MFN2: variants seen among roughly 807,000 people sequenced by gnomAD.
The protein encoded by MFN2 is mitofusin-2.
Under a neutral mutation model 87.5 loss-of-function variants are expected in MFN2, and 43 were observed. That is an observed-to-expected ratio of 0.49 (90% CI 0.38 to 0.63). MFN2 has a LOEUF of 0.63. Ranked by LOEUF, MFN2 falls within the 30% of genes least tolerant of loss-of-function variation. MFN2 has a pLI of 0.00. For missense variants in MFN2, 743 were observed against 972.8 expected (o/e 0.76, Z 3.14); for synonymous variants, 337 against 359.9 (o/e 0.94, Z 0.72).
At chr1:12,008,768 C>T (rs946185734) in intron 17 of MFN2, among the ~76,000 whole-genome samples, 7 of 152,066 alleles carry the variant, frequency 4.6e-5, no homozygotes, top group Non-Finnish European at 1.5e-5. Context: ...AGACGATGGG[C>T]GGCCAGGCAG....
In MFN2 at chr1:12,007,055, G is replaced by A. The variant is rs747719940; in HGVS notation, c.1875G>A (p.Val625=). The A allele has an allele frequency of 2.5e-6, 4 of 1,613,390 alleles. No individual in the cohort carries two copies. The African/African-American group carries it at 5.3e-5, about 22-fold the overall frequency. ...CAGGCTGACCATGTGCTCTGCAGGT[G>A]TGGAAGGCAGTGGGCTGGCGGCTCA... The part of the protein sequence containing the change: ...SMGILVVGGV[V]WKAVGWRLIA... Residue 625 remains valine (V), a splice_region_variant and synonymous_variant, in exon 17 of 19, where the codon GTG becomes GTA. Transcript: ENST00000235329.
rs764308150 is a variant in MFN2, at chr1:12,007,151, G to A, written c.1971G>A (p.Lys657=). ...YERLTWTTKA[K]ERAFKRQFVE... ...GTCTGACCTGGACCACCAAGGCCAA[G>A]GAGAGGGCCTTCAAGCGCCAGTTTG... The change falls in exon 17 of 19, where the codon AAG becomes AAA. Residue 657 remains lysine, a synonymous_variant. Coordinates refer to ENST00000235329, the MANE Select transcript of MFN2 (RefSeq NM_014874.4). 3.1e-6 allele frequency: 5 copies of A among 1,614,110 alleles called. No homozygotes were observed. The highest frequency in any genetic ancestry group is 4.2e-6 in the Non-Finnish European group (5 of 1,180,046).
intron 17 of MFN2, 70 bp downstream of exon 17, chr1:12,007,319 T>A (rs1639469382): frequency 1.3e-6 from 2 of 1,558,368 alleles, no homozygotes; most frequent in Non-Finnish European, 1.7e-6. Flanking sequence ...CCCTTCCCCA[T>A]CTCTCTTCCC....
chr1:11,984,896 C>T (rs1299899646), intron 2 of MFN2, among the ~76,000 whole-genome samples: 4 of 152,224 alleles, frequency 2.6e-5, no homozygotes, highest in East Asian at 3.8e-4. Flanking sequence ...TTTGCGATAT[C>T]CCTCATAATA....
chr1:11,981,075 T>G (rs1645975666), intron 1 of MFN2, among the ~76,000 whole-genome samples: 1 of 152,142 alleles, frequency 6.6e-6, no homozygotes. Flanking sequence ...CTCTTTAAAT[T>G]CTCAATCATC....
At chr1:11,989,027 C>A (rs918684815) in intron 2 of MFN2, 138 bp from the exon 3 acceptor site, 9 of 963,912 alleles carry the variant, frequency 9.3e-6, no homozygotes, top group Non-Finnish European at 1.5e-5. Context: ...ATCTCACCGT[C>A]CTTTGTTCTA....
In MFN2 at chr1:12,003,710, CT is replaced by C. The variant is rs1160972553; in HGVS notation, c.1161-276del. Among the ~76,000 whole-genome samples, 1 of 151,952 alleles carries C rather than the reference CT, an allele frequency of 6.6e-6. No homozygotes were observed. The highest frequency in any genetic ancestry group is 1.5e-5 in the Non-Finnish European group (1 of 68,008). The stretch of plus-strand genomic sequence containing the variant: ...TTCTGTGATTACTAGTGAGGTTGAG[CT>C]TTTTTCCCTATATTAATTGGCAGAA... On this transcript the variant is annotated intron_variant, in intron 11 of 18. Transcript: ENST00000235329. The surrounding 1 kb of genome is among the most constrained non-coding windows in gnomAD (Gnocchi z 4.1).
intron 2 of MFN2, among the ~76,000 whole-genome samples, chr1:11,987,368 G>A (rs998886022): frequency 9.2e-5 from 14 of 151,740 alleles, no homozygotes; most frequent in African/African-American, 3.4e-4. Flanking sequence ...GGTGGCTCAT[G>A]CCTGTAATCC....
Position 12,004,086 on chromosome 1 carries a change from A to C in MFN2, c.1255A>C (p.Ile419Leu). The C allele has an allele frequency of 6.2e-7, 1 of 1,614,192 alleles. No individual in the cohort carries two copies. The highest frequency in any genetic ancestry group is 8.5e-7 in the Non-Finnish European group (1 of 1,180,042). The change falls in exon 12 of 19, where the codon ATT (isoleucine) becomes CTT (leucine). Residue 419 changes from isoleucine (I) to leucine (L), a missense_variant. Ile to Leu is a conservative substitution (Grantham distance 5). Coordinates refer to ENST00000235329, the MANE Select transcript of MFN2 (RefSeq NM_014874.4). The surrounding 1 kb of genome is among the most constrained non-coding windows in gnomAD (Gnocchi z 4.2). ...CTTGGCTCAAGACTATAAGCTGCGA[A>C]TTAAGCAGATTACGGAGGAAGTGGA... ...ELLAQDYKLR[I>L]KQITEEVERQ...
chr1:11,998,653 C>T (rs967114532), intron 6 of MFN2, 117 bp from the exon 7 acceptor site: 127 of 893,230 alleles, frequency 1.4e-4, no homozygotes, highest in South Asian at 1.3e-3. Flanking sequence ...ATTTCTCTCC[C>T]GTCCCTGGCT....
chr1:11,996,785 C>G (rs112834619), intron 5 of MFN2, among the ~76,000 whole-genome samples: 166 of 152,284 alleles, frequency 1.1e-3, no homozygotes, highest in African/African-American at 3.7e-3. Context: ...CGCCTGTAAT[C>G]CCAGCACTTT....
intron 1 of MFN2, chr1:11,981,732 G>C (rs1452853901): frequency 6.6e-6 from 1 of 152,306 alleles, no homozygotes; most frequent in Admixed American, 6.5e-5. Flanking sequence ...GGACCTCCGT[G>C]GTGCCTCAAA....
intron 4 of MFN2, among the ~76,000 whole-genome samples, chr1:11,994,458 C>T (rs1442250400): frequency 2.6e-5 from 4 of 152,054 alleles, no homozygotes; most frequent in African/African-American, 7.2e-5. Flanking sequence ...GGTGTGGTGG[C>T]GGGCGCCTGT....
chr1:11,985,455 C>CTTTTT (rs774330626), intron 2 of MFN2, among the ~76,000 whole-genome samples: 2 of 119,704 alleles, frequency 1.7e-5, no homozygotes, highest in African/African-American at 3.8e-5. Flanking sequence ...TCCTTGATCC[C>CTTTTT]TTTTTTTTTT....
chr1:12,005,963 T>TG (rs757872097), intron 15 of MFN2, 32 bp downstream of exon 15: 38 of 1,601,506 alleles, frequency 2.4e-5, no homozygotes, highest in Non-Finnish European at 3.2e-5. Flanking sequence ...AAGGGCATTG[T>TG]GGGGGGTCAG....
rs1191442478 is a variant in MFN2, at chr1:11,985,495, TTCGC to T, written c.-5+3384_-5+3387del. ...TTTTTTTTTTTTTAAAGAGAGAGAC[TTCGC>T]TCTGTCACCCAGGCTGGAGTACAGT... On this transcript the variant is annotated intron_variant, in intron 2 of 18. Transcript: ENST00000235329. 1.8e-4 allele frequency among the ~76,000 whole-genome samples: 24 copies of T among 136,216 alleles called. 1 individual carries two copies. The East Asian group carries it at 5.3e-3, about 30-fold the overall frequency. 89.4% of individuals were successfully genotyped at this position (136,216 alleles called of 152,430 possible).
chr1:11,985,823 C>G (rs552300592), intron 2 of MFN2, among the ~76,000 whole-genome samples: 101 of 152,276 alleles, frequency 6.6e-4, no homozygotes, highest in African/African-American at 2.4e-3. Flanking sequence ...TGCCACATCC[C>G]CTCTTTCTCG....
chr1:12,002,127 G>A, intron 11 of MFN2, 24 bp downstream of exon 11: 1 of 1,614,030 alleles, frequency 6.2e-7, no homozygotes, highest in Non-Finnish European at 8.5e-7. Flanking sequence ...ACTGCAGATA[G>A]GTGGAGAGAG....
intron 2 of MFN2, among the ~76,000 whole-genome samples, chr1:11,984,146 A>T (rs1481686492): frequency 6.6e-6 from 1 of 152,166 alleles, no homozygotes; most frequent in African/African-American, 2.4e-5. Context: ...TTTTGGTTTT[A>T]TATCTCCTGG....
Sources: allele counts gnomAD v4.1 joint callset (sites outside exome capture counted in the v4.1 genomes callset), GRCh38; gene constraint gnomAD v4.1.1; non-coding constraint Gnocchi (gnomAD v3.1); transcripts MANE v1.5; gene names NCBI Gene and HGNC (gene_info 2026-07-23, HGNC 2026-07-21).